GPC6: variants seen among roughly 807,000 people sequenced by gnomAD.
The protein encoded by GPC6 is glypican-6.
Under a neutral mutation model 55.2 loss-of-function variants are expected in GPC6, and 14 were observed. The observed-to-expected ratio is 0.25, with a 90% CI of 0.17 to 0.40. The LOEUF is 0.40. GPC6 is among the 10% of genes least tolerant of loss of function. The probability of loss-of-function intolerance (pLI) is 1.00; values close to 1 mark genes in which losing one functional copy is unlikely to be tolerated. For missense variants in GPC6, 641 were observed against 708.5 expected (o/e 0.90, Z 1.08); for synonymous variants, 278 against 259.6 (o/e 1.07, Z -0.68).
At chr13:93,251,490 A>G (rs998682746) in intron 1 of GPC6, among the ~76,000 whole-genome samples, 1 of 152,242 alleles carries the variant, frequency 6.6e-6, no homozygotes, top group African/African-American at 2.4e-5. Context: ...TTGAGCATCA[A>G]GTAAATTGGA....
intron 1 of GPC6, among the ~76,000 whole-genome samples, chr13:93,498,455 C>G (rs1180630365): frequency 6.6e-6 from 1 of 152,160 alleles, no homozygotes; most frequent in Non-Finnish European, 1.5e-5. Context: ...TGTCCCCACC[C>G]AAATCTCAAC....
intron 5 of GPC6, among the ~76,000 whole-genome samples, chr13:94,288,773 ATTTGT>A (rs1874696800): frequency 9.2e-6 from 1 of 108,882 alleles, no homozygotes; most frequent in Non-Finnish European, 1.8e-5. Context: ...ATATATATAT[ATTTGT>A]TATATATATA....
intron 1 of GPC6, among the ~76,000 whole-genome samples, chr13:93,399,865 A>G (rs527897483): frequency 6.6e-6 from 1 of 152,320 alleles, no homozygotes; most frequent in Admixed American, 6.5e-5. Context: ...AGAGGACTGC[A>G]TGTGTGTTCT....
intron 2 of GPC6, among the ~76,000 whole-genome samples, chr13:93,813,384 C>T (rs532093017): frequency 1.3e-5 from 2 of 152,232 alleles, no homozygotes; most frequent in South Asian, 4.1e-4. Context: ...TGCCACTGTA[C>T]TCCAGCCTGG....
intron 1 of GPC6, among the ~76,000 whole-genome samples, chr13:93,329,824 A>G (rs985126824): frequency 2.0e-5 from 3 of 151,612 alleles, no homozygotes; most frequent in African/African-American, 2.4e-5. Flanking sequence ...CAACAAATAA[A>G]TGGATGAACA....
At chr13:93,627,798 G>A (rs1334483657) in intron 2 of GPC6, among the ~76,000 whole-genome samples, 3 of 152,116 alleles carry the variant, frequency 2.0e-5, no homozygotes, top group African/African-American at 7.2e-5. Flanking sequence ...TTAGCGTGGT[G>A]TCTTTTGTTT....
At chr13:94,110,526 A>T (rs1287292116) in intron 4 of GPC6, among the ~76,000 whole-genome samples, 2 of 152,102 alleles carry the variant, frequency 1.3e-5, no homozygotes, top group African/African-American at 4.8e-5. Flanking sequence ...GCAAAAATTC[A>T]TAAGGGAGTG....
chr13:93,324,753 G>A (rs1594097441), intron 1 of GPC6, among the ~76,000 whole-genome samples: 1 of 151,800 alleles, frequency 6.6e-6, no homozygotes, highest in Non-Finnish European at 1.5e-5. Context: ...TCATATGGGG[G>A]GTTGGGGTTG....
chr13:93,737,344 A>G (rs1245798416), intron 2 of GPC6, among the ~76,000 whole-genome samples: 2 of 152,166 alleles, frequency 1.3e-5, no homozygotes, highest in Non-Finnish European at 2.9e-5. Context: ...AGTGCTTAAG[A>G]TTTTTCCTAC....
intron 1 of GPC6, among the ~76,000 whole-genome samples, chr13:93,487,358 C>G (rs12876147): frequency 6.6e-6 from 1 of 152,174 alleles, no homozygotes; most frequent in African/African-American, 2.4e-5. Context: ...TCCTAATCTT[C>G]TCCCTTCTCC....
At position 93,995,161 on chromosome 13, in the gene GPC6, C is replaced by CTATTTTATTTTATTTTATTT. The variant is rs5805840; in HGVS notation, c.712-32546_712-32527dup. Among the ~76,000 whole-genome samples, 623 of 144,404 alleles carry CTATTTTATTTTATTTTATTT rather than the reference C, an allele frequency of 4.3e-3. 7 individuals are homozygous for CTATTTTATTTTATTTTATTT. Among genetic ancestry groups the CTATTTTATTTTATTTTATTT allele is most frequent in the African/African-American group, 0.014 (534 of 39,000 alleles). The allele number at this position is 144,404 out of a possible 152,430, so 94.7% of individuals were successfully genotyped here. ...TTTCACATAGCACCCTGTACTTCAA[C>CTATTTTATTTTATTTTATTT]TATTTTATTTTATTTTATTTTATTT... On this transcript the variant is annotated intron_variant, in intron 3 of 8. Transcript: ENST00000377047.
At chr13:93,738,701 G>T (rs977641799) in intron 2 of GPC6, among the ~76,000 whole-genome samples, 1 of 151,920 alleles carries the variant, frequency 6.6e-6, no homozygotes, top group Non-Finnish European at 1.5e-5. Flanking sequence ...CCCCTCGTAG[G>T]AAGCCATATT....
At chr13:93,902,562 T>A (rs937628002) in intron 3 of GPC6, among the ~76,000 whole-genome samples, 9 of 152,172 alleles carry the variant, frequency 5.9e-5, no homozygotes, top group African/African-American at 2.2e-4. Flanking sequence ...TTCCTTTAGA[T>A]CTATAGCCAG....
chr13:93,393,925 T>A (rs978275991), intron 1 of GPC6, among the ~76,000 whole-genome samples: 1 of 152,096 alleles, frequency 6.6e-6, no homozygotes, highest in Non-Finnish European at 1.5e-5. Flanking sequence ...GCACAGTGTG[T>A]TATGTATAGC....
chr13:93,688,000 GA>G (rs1882112901), intron 2 of GPC6, among the ~76,000 whole-genome samples: 2 of 150,610 alleles, frequency 1.3e-5, no homozygotes, highest in South Asian at 2.1e-4. Flanking sequence ...GAGTTAATCA[GA>G]AAAAAAAGCA....
intron 1 of GPC6, among the ~76,000 whole-genome samples, chr13:93,260,357 C>T (rs1877100990): frequency 6.6e-6 from 1 of 152,072 alleles, no homozygotes; most frequent in African/African-American, 2.4e-5. Flanking sequence ...ATAGAATTCA[C>T]TCAGTTGGCC....
At chr13:93,977,441 T>G (rs1394256759) in intron 3 of GPC6, among the ~76,000 whole-genome samples, 2 of 151,252 alleles carry the variant, frequency 1.3e-5, no homozygotes, top group African/African-American at 2.4e-5. Flanking sequence ...CAAATTGGTT[T>G]TCTATGATTT....
chr13:93,366,510 T>C (rs917605440), intron 1 of GPC6, among the ~76,000 whole-genome samples: 4 of 152,104 alleles, frequency 2.6e-5, no homozygotes, highest in Non-Finnish European at 5.9e-5. Context: ...GTTATGACGA[T>C]ATTAAATTAT....
At chr13:94,255,625 A>T (rs1891480794) in intron 4 of GPC6, among the ~76,000 whole-genome samples, 1 of 151,892 alleles carries the variant, frequency 6.6e-6, no homozygotes, top group South Asian at 2.1e-4. Flanking sequence ...TCTTTTCCTT[A>T]TAGAGTCACC....
Sources: allele counts gnomAD v4.1 joint callset (sites outside exome capture counted in the v4.1 genomes callset), GRCh38; gene constraint gnomAD v4.1.1; transcripts MANE v1.5; gene names NCBI Gene and HGNC (gene_info 2026-07-23, HGNC 2026-07-21).